The following SPATA16 variants were observed in gnomAD, a reference collection of about 807,000 sequenced individuals.
The protein encoded by SPATA16 is spermatogenesis associated 16, also known as spermatogenesis-associated protein 16.
A neutral mutation model predicts 63.3 loss-of-function variants in SPATA16; 36 were observed. The ratio of observed to expected loss-of-function variants is 0.57; its 90% confidence interval spans 0.44 to 0.75. The LOEUF (loss-of-function observed/expected upper bound fraction) is 0.75, where lower values mean the gene tolerates loss of function less well. SPATA16 is among the 30% of genes least tolerant of loss of function. The pLI, the probability that SPATA16 is intolerant of heterozygous loss-of-function variation, is 0.00. For missense variants in SPATA16, 646 were observed against 679.3 expected, an observed-to-expected ratio of 0.95 and a Z score of 0.54; for synonymous variants, 203 against 216.7, an observed-to-expected ratio of 0.94 and a Z score of 0.56.
chr3:173,103,137 T>G (rs991617135), intron 2 of SPATA16, among the ~76,000 whole-genome samples: 10 of 152,240 alleles, frequency 6.6e-5, no homozygotes, highest in Non-Finnish European at 1.5e-4. Flanking sequence ...GCTCTATGCC[T>G]GGGGCTTTGC....
chr3:172,971,817 T>C lies in SPATA16; in HGVS notation c.933+5151A>G, dbSNP rs144143961. ...ACATTGTGGGTGCTATTTTTTGCTT[T>C]GAATGTTAGAAGCAGTAAATGCCTC... On this transcript the variant is annotated intron_variant, in intron 5 of 10. Transcript: ENST00000351008. 1.8e-3 allele frequency among the ~76,000 whole-genome samples: 278 copies of C among 152,226 alleles called. 2 individuals are homozygous for C. Among genetic ancestry groups the C allele is most frequent in the African/African-American group, 6.2e-3 (257 of 41,540 alleles).
At chr3:172,904,606 A>G (rs767934083) in intron 10 of SPATA16, among the ~76,000 whole-genome samples, 1 of 152,244 alleles carries the variant, frequency 6.6e-6, no homozygotes, top group Non-Finnish European at 1.5e-5. Flanking sequence ...AAGGCCAACT[A>G]CAGGTGCAAA....
intron 8 of SPATA16, 76 bp from the exon 9 acceptor site, chr3:172,916,557 C>G: frequency 1.4e-6 from 2 of 1,450,522 alleles, no homozygotes; most frequent in South Asian, 2.3e-5. Context: ...GAAGTCAGGG[C>G]TTGTGATAAC....
chr3:172,991,910 A>C (rs897333125), intron 4 of SPATA16, among the ~76,000 whole-genome samples: 1 of 152,206 alleles, frequency 6.6e-6, no homozygotes, highest in African/African-American at 2.4e-5. Context: ...TCAAGTGTTC[A>C]CTATATGTGT....
chr3:173,112,634 ATGTAAAATATAGTAGCTGG>A (rs1560126962), intron 2 of SPATA16, among the ~76,000 whole-genome samples: 2 of 152,238 alleles, frequency 1.3e-5, no homozygotes, highest in Non-Finnish European at 2.9e-5. Flanking sequence ...TAATCCCAGA[ATGTAAAATATAGTAGCTGG>A]CACATACAAA....
At chr3:173,093,595 C>T (rs1381173765) in intron 2 of SPATA16, among the ~76,000 whole-genome samples, 4 of 152,098 alleles carry the variant, frequency 2.6e-5, no homozygotes, top group Non-Finnish European at 4.4e-5. Context: ...TATGATGATA[C>T]TATAAGGATT....
At chr3:172,900,091 TCTTAAG>T (rs753760043) in intron 10 of SPATA16, among the ~76,000 whole-genome samples, 2 of 152,218 alleles carry the variant, frequency 1.3e-5, no homozygotes, top group Non-Finnish European at 2.9e-5. Flanking sequence ...CAGAAAACTT[TCTTAAG>T]CTATTCTTTT....
intron 4 of SPATA16, among the ~76,000 whole-genome samples, chr3:173,017,570 A>G (rs746399437): frequency 1.4e-4 from 21 of 152,208 alleles, no homozygotes; most frequent in Non-Finnish European, 2.1e-4. Flanking sequence ...AACATTTGCA[A>G]TTTCAACAGT....
chr3:173,093,742 T>G (rs1418471989), intron 2 of SPATA16, among the ~76,000 whole-genome samples: 1 of 152,188 alleles, frequency 6.6e-6, no homozygotes, highest in Non-Finnish European at 1.5e-5. Flanking sequence ...CCAAAATAGA[T>G]AACCTCAAAA....
chr3:172,927,726 A>G (rs937945503), intron 6 of SPATA16, among the ~76,000 whole-genome samples: 3 of 152,202 alleles, frequency 2.0e-5, no homozygotes, highest in Non-Finnish European at 4.4e-5. Context: ...TTACCACTCA[A>G]AACTATCCTT....
At chr3:173,018,215 C>A (rs964086002) in intron 4 of SPATA16, among the ~76,000 whole-genome samples, 1 of 151,790 alleles carries the variant, frequency 6.6e-6, no homozygotes, top group African/African-American at 2.4e-5. Context: ...TAACTGAGTT[C>A]AGGCAACTCC....
chr3:173,035,882 A>G (rs1362501360), intron 3 of SPATA16, among the ~76,000 whole-genome samples: 1 of 152,030 alleles, frequency 6.6e-6, no homozygotes, highest in Non-Finnish European at 1.5e-5. Flanking sequence ...GCTTCTTTGC[A>G]GGAAGCAAAC....
intron 5 of SPATA16, among the ~76,000 whole-genome samples, chr3:172,958,142 G>A (rs76145264): frequency 3.0e-4 from 46 of 152,242 alleles, no homozygotes; most frequent in African/African-American, 9.4e-4. Context: ...AATACATAGC[G>A]GTTCTTCCAA....
intron 3 of SPATA16, among the ~76,000 whole-genome samples, chr3:173,025,084 C>A (rs1000388970): frequency 1.3e-5 from 2 of 150,554 alleles, no homozygotes; most frequent in African/African-American, 2.4e-5. Context: ...TGTTAATTTC[C>A]CATTTTATTA....
chr3:173,028,070 C>CCTTCCTTT (rs1467331532), intron 3 of SPATA16, among the ~76,000 whole-genome samples: 2 of 101,544 alleles, frequency 2.0e-5, no homozygotes, highest in South Asian at 6.6e-4. Flanking sequence ...TTCCTTCCTT[C>CCTTCCTTT]CTTCCTTTCT....
intron 4 of SPATA16, among the ~76,000 whole-genome samples, chr3:172,985,442 G>T (rs951352039): frequency 2.0e-5 from 3 of 152,166 alleles, no homozygotes; most frequent in Non-Finnish European, 4.4e-5. Context: ...ATGAAGACAT[G>T]ATGCCGATCT....
intron 2 of SPATA16, among the ~76,000 whole-genome samples, chr3:173,051,629 G>A (rs542112962): frequency 2.8e-4 from 42 of 152,216 alleles, no homozygotes; most frequent in African/African-American, 9.1e-4. Flanking sequence ...GAGCCACGGC[G>A]CTTGGCTCAG....
chr3:173,010,853 G>T (rs1292199700), intron 4 of SPATA16, among the ~76,000 whole-genome samples: 2 of 152,012 alleles, frequency 1.3e-5, no homozygotes, highest in African/African-American at 2.4e-5. Context: ...ACCTGAGGCT[G>T]CCCCTCCCCA....
chr3:173,036,503 G>A (rs1441616863), intron 3 of SPATA16, among the ~76,000 whole-genome samples: 1 of 151,886 alleles, frequency 6.6e-6, no homozygotes, highest in African/African-American at 2.4e-5. Flanking sequence ...ACTCATGAAT[G>A]GATAAACAAT....
Sources: allele counts gnomAD v4.1 joint callset (sites outside exome capture counted in the v4.1 genomes callset), GRCh38; gene constraint gnomAD v4.1.1; transcripts MANE v1.5; gene names NCBI Gene and HGNC (gene_info 2026-07-23, HGNC 2026-07-21).